C11orf16: variants seen among roughly 807,000 people sequenced by gnomAD.
C11orf16 encodes the protein chromosome 11 open reading frame 16.
A neutral mutation model predicts 45.1 loss-of-function variants in C11orf16; 38 were observed. The observed-to-expected ratio is 0.84, with a 90% confidence interval of 0.65 to 1.10. The LOEUF (loss-of-function observed/expected upper bound fraction) is 1.10, where lower values mean the gene tolerates loss of function less well. C11orf16 is among the 50% of genes least tolerant of loss of function. C11orf16 has a pLI of 0.00. For synonymous variants in C11orf16, 221 were observed against 222.0 expected, an observed-to-expected ratio of 1.00 and a Z score of 0.04; for missense variants, 583 against 569.5, an observed-to-expected ratio of 1.02 and a Z score of -0.24.
intron 3 of C11orf16, 186 bp downstream of exon 3, chr11:8,929,191 T>G: frequency 1.7e-6 from 1 of 588,738 alleles, no homozygotes; most frequent in Non-Finnish European, 2.8e-6. Context: ...TTGTTGCACT[T>G]TGTTAGGGAG....
intron 1 of C11orf16, among the ~76,000 whole-genome samples, 186 bp from the exon 2 acceptor site, chr11:8,932,512 A>T (rs946684374): frequency 1.3e-5 from 2 of 152,188 alleles, no homozygotes; most frequent in Non-Finnish European, 2.9e-5. Flanking sequence ...ACCTCCACTC[A>T]GGAAACAGGG....
At chr11:8,928,734 C>G (rs895867142) in intron 3 of C11orf16, among the ~76,000 whole-genome samples, 11 of 152,306 alleles carry the variant, frequency 7.2e-5, no homozygotes, top group African/African-American at 2.4e-4. Flanking sequence ...CTCCTGGCCT[C>G]AAGCAATCCT....
At chr11:8,926,217 G>A in intron 4 of C11orf16, 110 bp from the exon 5 acceptor site, 1 of 1,054,856 alleles carries the variant, frequency 9.5e-7, no homozygotes, top group Non-Finnish European at 1.3e-6. Context: ...GACAGGGTCT[G>A]GCTCAGGCTG....
intron 5 of C11orf16, among the ~76,000 whole-genome samples, chr11:8,923,633 A>C (rs1204683270): frequency 6.6e-6 from 1 of 150,536 alleles, no homozygotes; most frequent in Admixed American, 6.6e-5. Context: ...CTTTTTTTTT[A>C]TTTTTGCAGA....
Position 8,932,129 on chromosome 11 carries a change from C to G in C11orf16, c.167+13G>C. 2 of 1,563,370 alleles carry G rather than the reference C, an allele frequency of 1.3e-6. No homozygotes were observed. Among genetic ancestry groups the G allele is most frequent in the Non-Finnish European group, 1.7e-6 (2 of 1,155,304 alleles). On this transcript the variant is annotated intron_variant, in intron 2 of 6. Transcript: ENST00000326053. Reference sequence around the variant, plus strand: ...AGGGCATCCACTTCCCCCAGAGGGGCAGAGACAGGTACCTTGCAAGGGGCT... The same window carrying G: ...AGGGCATCCACTTCCCCCAGAGGGGGAGAGACAGGTACCTTGCAAGGGGCT...
chr11:8,922,082 T>C (rs1444105579), intron 5 of C11orf16, among the ~76,000 whole-genome samples: 1 of 152,268 alleles, frequency 6.6e-6, no homozygotes, highest in African/African-American at 2.4e-5. Context: ...AGTTATTGGA[T>C]GTGTCTTCTA....
chr11:8,930,865 C>T (rs770457594), intron 2 of C11orf16, among the ~76,000 whole-genome samples: 34 of 152,136 alleles, frequency 2.2e-4, no homozygotes, highest in Non-Finnish European at 4.3e-4. Flanking sequence ...AGCCTCCTTC[C>T]TGTGCTTGTT....
At chr11:8,930,536 T>C (rs903550590) in intron 2 of C11orf16, among the ~76,000 whole-genome samples, 2 of 150,278 alleles carry the variant, frequency 1.3e-5, no homozygotes, top group African/African-American at 4.9e-5. Context: ...GGGTGTGAAA[T>C]TGTAATGCCA....
At chr11:8,928,010 C>T (rs1041102100) in intron 3 of C11orf16, among the ~76,000 whole-genome samples, 5 of 152,102 alleles carry the variant, frequency 3.3e-5, no homozygotes, top group African/African-American at 9.7e-5. Context: ...TGGGTTCAAG[C>T]GATTCTCCTG....
intron 4 of C11orf16, among the ~76,000 whole-genome samples, chr11:8,926,511 A>G (rs2653587): frequency 0.61 from 92,630 of 151,302 alleles, 28,742 homozygotes; most frequent in East Asian, 0.77. Context: ...CCTGGACTAC[A>G]GTGGCCTGCA....
chr11:8,923,154 CTG>C (rs2064586484), intron 5 of C11orf16, among the ~76,000 whole-genome samples: 2 of 152,160 alleles, frequency 1.3e-5, no homozygotes, highest in African/African-American at 2.4e-5. Context: ...TGGAGAGAGA[CTG>C]TAGGTGTAAG....
intron 4 of C11orf16, 90 bp downstream of exon 4, chr11:8,926,850 A>G (rs2064617376): frequency 2.9e-6 from 3 of 1,027,446 alleles, no homozygotes; most frequent in Admixed American, 4.5e-5. Flanking sequence ...AGAAACCCCT[A>G]AGCTGTAGAC....
In C11orf16 at chr11:8,927,172, C is replaced by CAG; in HGVS notation, c.325_326dup (p.Glu110TrpfsTer30). On this transcript the variant is annotated frameshift_variant and splice_region_variant, in exon 4 of 7. Coordinates refer to ENST00000326053, the MANE Select transcript of C11orf16 (RefSeq NM_020643.3). LOFTEE classifies it high-confidence loss of function. ...CCACAAGCAGGACCCCCTGTCTCTC[C>CAG]AGCTGTGGGAAAGAAAACACTCAGA... is the stretch of plus-strand genomic sequence containing the variant. 1.9e-6 allele frequency: 3 copies of CAG among 1,612,462 alleles called. No individual in the cohort carries two copies. Among genetic ancestry groups the CAG allele is most frequent in the Middle Eastern group, 1.7e-4 (1 of 6,058 alleles).
chr11:8,926,109 T>C lies in C11orf16; in HGVS notation c.560-2A>G, dbSNP rs1331650581. 6.4e-7 allele frequency: 1 copy of C among 1,557,658 alleles called. No individual in the cohort carries two copies. The highest frequency in any genetic ancestry group is 2.3e-5 in the East Asian group (1 of 44,040). ...CAGTGATTTCTTTTTCCTTTGATGC[T>C]ACATAACAAAAAATGGCAACATTTT... On this transcript the variant is annotated splice_acceptor_variant, in intron 4 of 6. Coordinates refer to ENST00000326053, the MANE Select transcript of C11orf16 (RefSeq NM_020643.3). LOFTEE classifies it high-confidence loss of function.
intron 3 of C11orf16, among the ~76,000 whole-genome samples, chr11:8,928,098 G>A (rs2064627067): frequency 6.6e-6 from 1 of 151,990 alleles, no homozygotes; most frequent in African/African-American, 2.4e-5. Context: ...AGTAGAGACG[G>A]GGTGTCACCA....
Position 8,925,747 on chromosome 11 carries a change from G to C in C11orf16, c.920C>G (p.Pro307Arg), listed in dbSNP as rs1438107294. The change falls in exon 5 of 7, where the codon CCA (proline) becomes CGA (arginine). Residue 307 changes from proline to arginine, a missense_variant. Transcript: ENST00000326053. ...RTSEVMAREL[P>R]ELEPTAQLLP... ...AAGCTGTGCTGTGGGCTCCAACTCT[G>C]GAAGTTCTCTGGCCATGACTTCTGA... is the stretch of plus-strand genomic sequence containing the variant. The C allele has an allele frequency of 1.2e-6, 2 of 1,614,244 alleles. No individual in the cohort carries two copies. Among genetic ancestry groups the C allele is most frequent in the Non-Finnish European group, 1.7e-6 (2 of 1,180,042 alleles).
chr11:8,929,091 G>A (rs2064633602), intron 3 of C11orf16: 1 of 333,114 alleles, frequency 3.0e-6, no homozygotes, highest in Admixed American at 4.5e-5. Flanking sequence ...CTTCTTCATA[G>A]CTCTCAGAAG....
chr11:8,926,170 T>G (rs927429166), intron 4 of C11orf16, 63 bp from the exon 5 acceptor site: 7 of 1,382,118 alleles, frequency 5.1e-6, no homozygotes, highest in Non-Finnish European at 6.8e-6. Context: ...TTTTTCTTTT[T>G]TCTTTTTTTC....
Position 8,921,385 on chromosome 11 carries a change from T to C in C11orf16, c.1335A>G (p.Pro445=), listed in dbSNP as rs2064571677. 2 of 1,614,248 alleles carry C rather than the reference T, an allele frequency of 1.2e-6. No individual in the cohort carries two copies. Among genetic ancestry groups the C allele is most frequent in the Non-Finnish European group, 8.5e-7 (1 of 1,180,048 alleles). Reference sequence around the variant, plus strand: ...TCCGCTTTCTGTGTTCAGCTTCCCCTGGCGGGGTCCGCGGTGGCTTCATGT... The same window carrying C: ...TCCGCTTTCTGTGTTCAGCTTCCCCCGGCGGGGTCCGCGGTGGCTTCATGT... ...ATHMKPPRTP[P]GEAEHRKRSQ... Residue 445 remains proline (P), a synonymous_variant, in exon 6 of 7, where the codon CCA becomes CCG. Coordinates refer to ENST00000326053, the MANE Select transcript of C11orf16 (RefSeq NM_020643.3).
Sources: gnomAD v4.1 joint callset for allele counts (sites outside exome capture counted in the v4.1 genomes callset) on GRCh38, gnomAD v4.1.1 for gene constraint, MANE v1.5 for transcripts, NCBI Gene and HGNC (gene_info 2026-07-23, HGNC 2026-07-21) for gene names.